COL23A1: variants seen among roughly 807,000 people sequenced by gnomAD.
COL23A1 encodes the protein collagen alpha-1(XXIII) chain.
COL23A1 carries 97 observed loss-of-function variants against 99.3 expected under a neutral mutation model. The observed-to-expected ratio is 0.98, with a 90% CI of 0.83 to 1.16. COL23A1 has a LOEUF of 1.16. COL23A1 is among the 50% of genes most tolerant of loss of function. COL23A1 has a pLI of 0.00. For synonymous variants in COL23A1, 320 were observed against 308.2 expected, an observed-to-expected ratio of 1.04 and a Z score of -0.40; for missense variants, 762 against 757.4, an observed-to-expected ratio of 1.01 and a Z score of -0.07.
chr5:178,240,531 G>A (rs1764339440), intron 27 of COL23A1, among the ~76,000 whole-genome samples: 1 of 152,198 alleles, frequency 6.6e-6, no homozygotes, highest in Non-Finnish European at 1.5e-5. Context: ...TCCGCACGTG[G>A]GATTCTCCTG....
chr5:178,547,611 CCCCCACA>C (rs1761696054), intron 2 of COL23A1, among the ~76,000 whole-genome samples: 2 of 6,468 alleles, frequency 3.1e-4, no homozygotes, highest in Non-Finnish European at 4.3e-4. Flanking sequence ...ACACACACAC[CCCCCACA>C]CACACCCACC....
Position 178,308,700 on chromosome 5 carries a change from C to T in COL23A1, c.362-1781G>A, listed in dbSNP as rs1758498551. 6.6e-6 allele frequency among the ~76,000 whole-genome samples: 1 copy of T among 152,216 alleles called. No homozygotes were observed. Among genetic ancestry groups the T allele is most frequent in the Non-Finnish European group, 1.5e-5 (1 of 68,046 alleles). On this transcript the variant is annotated intron_variant, in intron 2 of 28. Coordinates refer to ENST00000390654, the MANE Select transcript of COL23A1 (RefSeq NM_173465.4). This position sits in a 1 kb window ranked among gnomAD's most constrained non-coding sequence, Gnocchi z 5.1. ...AGACCAGTTGTGGCCCAAACACCTG[C>T]CTTGGTCTCCTCCCCAGTGCCCTGT...
At chr5:178,459,532 C>T (rs1755998661) in intron 2 of COL23A1, among the ~76,000 whole-genome samples, 2 of 152,222 alleles carry the variant, frequency 1.3e-5, no homozygotes, top group East Asian at 3.9e-4. Context: ...GAGGCCAAGG[C>T]AGGTGGATCA....
intron 2 of COL23A1, among the ~76,000 whole-genome samples, chr5:178,454,441 G>GCT (rs1767657787): frequency 6.6e-6 from 1 of 152,220 alleles, no homozygotes; most frequent in African/African-American, 2.4e-5. Flanking sequence ...GATGTGCATT[G>GCT]CTCTCCAGTG....
chr5:178,423,841 A>G (rs1029691555), intron 2 of COL23A1, among the ~76,000 whole-genome samples: 9 of 152,054 alleles, frequency 5.9e-5, no homozygotes, highest in Admixed American at 2.6e-4. Flanking sequence ...GCCTCACAAT[A>G]ATGCTCACTT....
At chr5:178,550,287 A>G (rs1761932019) in intron 2 of COL23A1, among the ~76,000 whole-genome samples, 1 of 152,224 alleles carries the variant, frequency 6.6e-6, no homozygotes, top group African/African-American at 2.4e-5. Flanking sequence ...GTTTTCTTCT[A>G]TGGCAAGGTT....
At position 178,349,733 on chromosome 5, in the gene COL23A1, T is replaced by C. The variant is rs1481813936; in HGVS notation, c.362-42814A>G. ...GAATGAATGATGGACCAAGTCCTAC[T>C]GGGGTCCCCCAACCCTCACCTGGGC... On this transcript the variant is annotated intron_variant, in intron 2 of 28. Transcript: ENST00000390654. 2.6e-5 allele frequency among the ~76,000 whole-genome samples: 4 copies of C among 152,212 alleles called. No homozygotes were observed. In the East Asian group the frequency reaches 7.7e-4, roughly 29 times the overall value.
intron 8 of COL23A1, among the ~76,000 whole-genome samples, chr5:178,265,405 T>C (rs1755825354): frequency 6.6e-6 from 1 of 152,206 alleles, no homozygotes; most frequent in African/African-American, 2.4e-5. Flanking sequence ...AGACACCCCC[T>C]TAGCTCCCTG....
Position 178,589,863 on chromosome 5 carries a change from A to G in COL23A1, c.294+41T>C. The G allele has an allele frequency of 7.9e-7, 1 of 1,266,616 alleles. No homozygotes were observed. Among genetic ancestry groups the G allele is most frequent in the Non-Finnish European group, 9.9e-7 (1 of 1,008,104 alleles). 78.5% of individuals were successfully genotyped at this position (1,266,616 alleles called of 1,614,324 possible). A position where few individuals can be genotyped will look rare whatever the true frequency, so the allele number is the denominator to read the frequency against. On this transcript the variant is annotated intron_variant, in intron 1 of 28. Transcript: ENST00000390654. This position sits in a 1 kb window ranked among gnomAD's most constrained non-coding sequence, Gnocchi z 5.4. ...CCAGCGTACCGCCACCCTCAACCCG[A>G]CACACCCAAGTCCGCCCCAGCCACG... is the stretch of plus-strand genomic sequence containing the variant.
chr5:178,487,486 A>G (rs530219963), intron 2 of COL23A1, among the ~76,000 whole-genome samples: 2 of 152,134 alleles, frequency 1.3e-5, no homozygotes, highest in African/African-American at 4.8e-5. Flanking sequence ...ATGCTCAGCT[A>G]ATTTTTGTAT....
intron 2 of COL23A1, among the ~76,000 whole-genome samples, chr5:178,546,180 C>A (rs556558757): frequency 6.6e-6 from 1 of 152,126 alleles, no homozygotes; most frequent in African/African-American, 2.4e-5. Context: ...TCAAACAGAG[C>A]CATGCACACA....
At chr5:178,262,414 G>A (rs879777162) in intron 9 of COL23A1, among the ~76,000 whole-genome samples, 162 bp from the exon 10 acceptor site, 4 of 152,214 alleles carry the variant, frequency 2.6e-5, no homozygotes, top group Non-Finnish European at 4.4e-5. Flanking sequence ...CCACAGATGA[G>A]AATGTTAGGC....
At chr5:178,270,072 G>A (rs1315655621) in intron 6 of COL23A1, among the ~76,000 whole-genome samples, 1 of 152,174 alleles carries the variant, frequency 6.6e-6, no homozygotes, top group African/African-American at 2.4e-5. Context: ...GTTTTCCATA[G>A]GTCCACCCCT....
intron 2 of COL23A1, among the ~76,000 whole-genome samples, chr5:178,358,221 CTAA>C (rs1259009233): frequency 7.8e-5 from 5 of 64,404 alleles, no homozygotes; most frequent in South Asian, 5.9e-4. Flanking sequence ...GTATGTGTGT[CTAA>C]TGTGTGTATG....
In COL23A1 at chr5:178,425,422, AAAATAAATAAATAAAT is replaced by A. The variant is rs141540849; in HGVS notation, c.362-118519_362-118504del. On this transcript the variant is annotated intron_variant, in intron 2 of 28. Coordinates refer to ENST00000390654, the MANE Select transcript of COL23A1 (RefSeq NM_173465.4). ...GGGCAACAGAGCAAGACTCCATCTC[AAAATAAATAAATAAAT>A]AAATAAATAAATAAATAAATAAATA... Among the ~76,000 whole-genome samples, 220 of 143,002 alleles carry A rather than the reference AAAATAAATAAATAAAT, an allele frequency of 1.5e-3. 2 individuals are homozygous for A. Among genetic ancestry groups the A allele is most frequent in the African/African-American group, 4.4e-3 (174 of 39,140 alleles). 93.8% of individuals were successfully genotyped at this position (143,002 alleles called of 152,430 possible).
chr5:178,326,924 TGG>T (rs1759710654), intron 2 of COL23A1, among the ~76,000 whole-genome samples: 1 of 152,342 alleles, frequency 6.6e-6, no homozygotes, highest in East Asian at 1.9e-4. Context: ...TTCACCATGC[TGG>T]TCAGGCTGGT....
Position 178,365,660 on chromosome 5 carries a change from TC to T in COL23A1, c.362-58742del, listed in dbSNP as rs1328194352. 5.9e-5 allele frequency among the ~76,000 whole-genome samples: 9 copies of T among 152,226 alleles called. No individual in the cohort carries two copies. Among genetic ancestry groups the T allele is most frequent in the Non-Finnish European group, 1.3e-4 (9 of 68,004 alleles). Reference sequence around the variant, plus strand: ...GCCAGGCATGCAGTGGCCCCTCTCTTCTCCTCGACAACTGCGTGCTGTTCCC... The same window carrying T: ...GCCAGGCATGCAGTGGCCCCTCTCTTTCCTCGACAACTGCGTGCTGTTCCC... On this transcript the variant is annotated intron_variant, in intron 2 of 28. Coordinates refer to ENST00000390654, the MANE Select transcript of COL23A1 (RefSeq NM_173465.4). The surrounding 1 kb of genome is among the most constrained non-coding windows in gnomAD (Gnocchi z 5.2).
chr5:178,353,084 A>G (rs931262699), intron 2 of COL23A1, among the ~76,000 whole-genome samples: 30 of 152,228 alleles, frequency 2.0e-4, no homozygotes, highest in African/African-American at 7.0e-4. Flanking sequence ...CATATGCACA[A>G]AAGCATGATG....
chr5:178,274,316 A>G (rs1756461183), intron 5 of COL23A1, among the ~76,000 whole-genome samples: 1 of 152,314 alleles, frequency 6.6e-6, no homozygotes, highest in African/African-American at 2.4e-5. Context: ...GTGGGGGCTG[A>G]GCCTGGCTCT....
Sources: gnomAD v4.1 joint callset for allele counts (sites outside exome capture counted in the v4.1 genomes callset) on GRCh38, gnomAD v4.1.1 for gene constraint, Gnocchi (gnomAD v3.1) non-coding constraint, MANE v1.5 for transcripts, NCBI Gene and HGNC (gene_info 2026-07-23, HGNC 2026-07-21) for gene names.